KCNH1: variants seen among roughly 807,000 people sequenced by gnomAD.
KCNH1 encodes the protein potassium voltage-gated channel subfamily H member 1.
KCNH1 carries 27 observed loss-of-function variants against 69.2 expected under a neutral mutation model. That is an observed-to-expected ratio of 0.39 (90% CI 0.29 to 0.54). The LOEUF is 0.54. KCNH1 is among the 20% of genes least tolerant of loss of function. The pLI, the probability that KCNH1 is intolerant of heterozygous loss-of-function variation, is 0.68. For missense variants in KCNH1, 798 were observed against 1,261.6 expected, an observed-to-expected ratio of 0.63 and a Z score of 5.57; for synonymous variants, 456 against 487.7, an observed-to-expected ratio of 0.93 and a Z score of 0.86.
chr1:210,928,527 G>A (rs927812385), intron 6 of KCNH1, among the ~76,000 whole-genome samples: 1 of 152,074 alleles, frequency 6.6e-6, no homozygotes, highest in African/African-American at 2.4e-5. Flanking sequence ...AACAACAATA[G>A]TGAAACAACC....
chr1:210,739,394 T>C (rs1183464017), intron 10 of KCNH1, among the ~76,000 whole-genome samples: 1 of 152,224 alleles, frequency 6.6e-6, no homozygotes, highest in African/African-American at 2.4e-5. Flanking sequence ...TCATTCTGCA[T>C]CATAGCTTCT....
At chr1:210,829,012 G>A (rs1685101756) in intron 7 of KCNH1, among the ~76,000 whole-genome samples, 1 of 152,196 alleles carries the variant, frequency 6.6e-6, no homozygotes, top group South Asian at 2.1e-4. Context: ...CCATCATGGA[G>A]GTGTGCATAG....
chr1:211,099,472 T>C (rs17267435), intron 3 of KCNH1, among the ~76,000 whole-genome samples: 7,126 of 152,294 alleles, frequency 0.047, 254 homozygotes, highest in Non-Finnish European at 0.068. Flanking sequence ...CTGAATGTTT[T>C]ACTCTATTGA....
intron 6 of KCNH1, among the ~76,000 whole-genome samples, chr1:210,954,788 A>G (rs1404122537): frequency 6.6e-6 from 1 of 152,090 alleles, no homozygotes; most frequent in Non-Finnish European, 1.5e-5. Flanking sequence ...TTCTTTGTAG[A>G]TTCTGGATAT....
chr1:211,086,986 T>C (rs1001272775), intron 4 of KCNH1, among the ~76,000 whole-genome samples: 26 of 152,074 alleles, frequency 1.7e-4, no homozygotes, highest in African/African-American at 6.0e-4. Flanking sequence ...GAACCAAAAA[T>C]CTAGAATGGC....
chr1:210,984,235 T>C (rs1688779917), intron 6 of KCNH1, among the ~76,000 whole-genome samples: 2 of 152,214 alleles, frequency 1.3e-5, no homozygotes, highest in Admixed American at 6.5e-5. Context: ...ACAATTTGAC[T>C]TCCTCTTTTC....
At chr1:210,812,803 T>C (rs1229339663) in intron 7 of KCNH1, among the ~76,000 whole-genome samples, 3 of 152,218 alleles carry the variant, frequency 2.0e-5, no homozygotes, top group Non-Finnish European at 2.9e-5. Context: ...AGTTAAATTT[T>C]CTGCTTTCTA....
Position 210,942,110 on chromosome 1 carries a change from G to A in KCNH1, c.1033-22041C>T, listed in dbSNP as rs560135280. Among the ~76,000 whole-genome samples the A allele has an allele frequency of 3.9e-5, 6 of 152,294 alleles. No homozygotes were observed. The South Asian group carries it at 1.2e-3, about 32-fold the overall frequency. On this transcript the variant is annotated intron_variant, in intron 6 of 10. Transcript: ENST00000271751. ...TTAAAAGGCTTCCAGTAAATATATA[G>A]TTCCAAAGTTTCTGGAAGCAGGCAG...
At chr1:210,772,174 G>A (rs1163217478) in intron 10 of KCNH1, among the ~76,000 whole-genome samples, 5 of 152,160 alleles carry the variant, frequency 3.3e-5, no homozygotes, top group African/African-American at 1.2e-4. Context: ...GTGAAATGAG[G>A]GTGTTAGGGA....
At chr1:211,094,751 A>T (rs1691115391) in intron 3 of KCNH1, among the ~76,000 whole-genome samples, 1 of 152,176 alleles carries the variant, frequency 6.6e-6, no homozygotes, top group African/African-American at 2.4e-5. Flanking sequence ...CCAAACTATC[A>T]CTACCCAAAC....
At chr1:210,836,959 A>G (rs925946824) in intron 7 of KCNH1, among the ~76,000 whole-genome samples, 2 of 152,180 alleles carry the variant, frequency 1.3e-5, no homozygotes, top group Non-Finnish European at 2.9e-5. Flanking sequence ...ATTCTAGCCC[A>G]TTCTGTACAA....
At chr1:211,108,493 A>G (rs1295649503) in intron 1 of KCNH1, 1 of 152,248 alleles carries the variant, frequency 6.6e-6, no homozygotes, top group African/African-American at 2.4e-5. Flanking sequence ...TTTTCACAAT[A>G]TGGGTAACCA....
chr1:211,053,790 C>T (rs998414317), intron 5 of KCNH1, among the ~76,000 whole-genome samples: 1 of 152,156 alleles, frequency 6.6e-6, no homozygotes, highest in East Asian at 1.9e-4. Flanking sequence ...TGGACTCCCA[C>T]CAAAAAACTC....
intron 6 of KCNH1, among the ~76,000 whole-genome samples, chr1:211,014,705 C>T (rs1278156202): frequency 1.3e-5 from 2 of 152,184 alleles, no homozygotes. Context: ...CACTGGCACA[C>T]AAGTCCACTG....
At chr1:211,069,688 A>G (rs984699437) in intron 5 of KCNH1, among the ~76,000 whole-genome samples, 1 of 152,178 alleles carries the variant, frequency 6.6e-6, no homozygotes, top group African/African-American at 2.4e-5. Context: ...TGAAAAGCAA[A>G]GAGAACAAAA....
At chr1:210,860,846 C>T in intron 7 of KCNH1, 4 of 917,626 alleles carry the variant, frequency 4.4e-6, no homozygotes, top group Non-Finnish European at 7.3e-6. Flanking sequence ...TAGTGAAGTA[C>T]TCAGCAAGCC....
At chr1:210,765,895 C>G (rs1683620183) in intron 10 of KCNH1, among the ~76,000 whole-genome samples, 1 of 151,742 alleles carries the variant, frequency 6.6e-6, no homozygotes, top group Admixed American at 6.6e-5. Flanking sequence ...AACCCTGTCT[C>G]CAATAAAAAT....
intron 10 of KCNH1, among the ~76,000 whole-genome samples, chr1:210,763,909 C>T (rs897288208): frequency 6.6e-6 from 1 of 151,906 alleles, no homozygotes; most frequent in Non-Finnish European, 1.5e-5. Flanking sequence ...CGCAAATAAC[C>T]AAGGCAATCC....
chr1:211,059,273 C>A (rs1291690209), intron 5 of KCNH1, among the ~76,000 whole-genome samples: 2 of 148,234 alleles, frequency 1.3e-5, no homozygotes, highest in East Asian at 2.0e-4. Context: ...GAGCGAGACT[C>A]CATCTCAAAA....
Sources: allele counts gnomAD v4.1 joint callset (sites outside exome capture counted in the v4.1 genomes callset), GRCh38; gene constraint gnomAD v4.1.1; transcripts MANE v1.5; gene names NCBI Gene and HGNC (gene_info 2026-07-23, HGNC 2026-07-21).